NAALADL2: variants seen among roughly 807,000 people sequenced by gnomAD.
NAALADL2 encodes the protein inactive N-acetylated-alpha-linked acidic dipeptidase-like protein 2.
NAALADL2 carries 76 observed loss-of-function variants against 87.2 expected under a neutral mutation model. That is an observed-to-expected ratio of 0.87 (90% CI 0.72 to 1.05). The LOEUF is 1.05. Ranked by LOEUF, NAALADL2 falls within the 50% of genes least tolerant of loss-of-function variation. The pLI is 0.00. For synonymous variants in NAALADL2, 354 were observed against 331.0 expected (o/e 1.07, Z -0.75); for missense variants, 1,089 against 945.8 (o/e 1.15, Z -1.99).
intron 1 of NAALADL2, among the ~76,000 whole-genome samples, chr3:174,547,502 T>G (rs149401883): frequency 2.0e-5 from 3 of 152,210 alleles, no homozygotes; most frequent in Middle Eastern, 6.8e-3. Context: ...ATGATTACTC[T>G]CTCATTTCAA....
intron 5 of NAALADL2, among the ~76,000 whole-genome samples, chr3:175,348,605 G>A (rs1411684594): frequency 6.6e-6 from 1 of 152,096 alleles, no homozygotes; most frequent in East Asian, 1.9e-4. Flanking sequence ...ACACTCCGTG[G>A]TGTTCCTTGA....
intron 3 of NAALADL2, among the ~76,000 whole-genome samples, chr3:175,244,505 C>T (rs558592514): frequency 9.9e-5 from 15 of 152,042 alleles, no homozygotes; most frequent in Admixed American, 7.2e-4. Flanking sequence ...TTGAGCTGTA[C>T]GTTAGCTCAG....
chr3:175,539,507 T>G lies in NAALADL2; in HGVS notation c.1654-36534T>G, dbSNP rs955485994. 2.0e-5 allele frequency among the ~76,000 whole-genome samples: 3 copies of G among 152,154 alleles called. No homozygotes were observed. In the East Asian group the frequency reaches 5.8e-4, roughly 29 times the overall value. ...TGATTTTTTATTTTATTTTAAATTT[T>G]TTTTTAGGTTCAGAGGTACAGGTGC... On this transcript the variant is annotated intron_variant, in intron 9 of 13. Coordinates refer to ENST00000454872, the MANE Select transcript of NAALADL2 (RefSeq NM_207015.3).
Position 174,595,018 on chromosome 3 carries a change from C to G in NAALADL2, c.-115+44381C>G, listed in dbSNP as rs117395217. Among the ~76,000 whole-genome samples, 103 of 152,212 alleles carry G rather than the reference C, an allele frequency of 6.8e-4. 1 individual carries two copies. In the East Asian group the frequency reaches 0.017, roughly 25 times the overall value. On this transcript the variant is annotated intron_variant, in intron 2 of 3. Coordinates refer to the NAALADL2 transcript ENST00000434257. Reference sequence around the variant, plus strand: ...TTACTTGATCATGTCTTAGTACTTTCTAGATGTATGCTGGTAATATTTAAC... The same window carrying G: ...TTACTTGATCATGTCTTAGTACTTTGTAGATGTATGCTGGTAATATTTAAC...
At position 175,484,990 on chromosome 3, in the gene NAALADL2, G is replaced by A. The variant is rs138093676; in HGVS notation, c.1653+13232G>A. ...GGGCTTTCCCAACTGTATTGGTTAA[G>A]AATGGGTAACAGTAAGAATGCAGGG... On this transcript the variant is annotated intron_variant, in intron 9 of 13. Transcript: ENST00000454872. Among the ~76,000 whole-genome samples, 121 of 152,242 alleles carry A rather than the reference G, an allele frequency of 7.9e-4. 1 individual carries two copies. In the East Asian group the frequency reaches 0.021, roughly 26 times the overall value.
chr3:174,857,726 C>T (rs1253964679), upstream of NAALADL2, among the ~76,000 whole-genome samples: 1 of 152,052 alleles, frequency 6.6e-6, no homozygotes, highest in Non-Finnish European at 1.5e-5. Context: ...TTATTCTATT[C>T]TGGAGCAAAC....
rs143088034 is a variant in NAALADL2, at chr3:174,674,319, G to A, written c.-114-63322G>A. On this transcript the variant is annotated intron_variant, in intron 2 of 3. Transcript: ENST00000434257. The stretch of plus-strand genomic sequence containing the variant: ...TCCAGACCCCACCTCCAATACTGTA[G>A]ATTACACTTCAACTTGAGATTTAGT... 2.6e-5 allele frequency among the ~76,000 whole-genome samples: 4 copies of A among 152,066 alleles called. No individual in the cohort carries two copies. The East Asian group carries it at 5.8e-4, about 22-fold the overall frequency.
chr3:174,522,366 T>G (rs578129878), intron 1 of NAALADL2, among the ~76,000 whole-genome samples: 2 of 152,156 alleles, frequency 1.3e-5, no homozygotes, highest in South Asian at 4.2e-4. Context: ...GAGACTAGTG[T>G]CCTATAAAAG....
At chr3:175,369,355 A>C (rs1385954252) in intron 5 of NAALADL2, among the ~76,000 whole-genome samples, 1 of 151,948 alleles carries the variant, frequency 6.6e-6, no homozygotes, top group African/African-American at 2.4e-5. Flanking sequence ...GTACATATAC[A>C]TGTTACATTT....
At chr3:174,721,667 A>G (rs887334208) in intron 2 of NAALADL2, among the ~76,000 whole-genome samples, 1 of 152,228 alleles carries the variant, frequency 6.6e-6, no homozygotes, top group Admixed American at 6.5e-5. Context: ...TGTGTCTACC[A>G]GAGTTCCATG....
At position 175,798,382 on chromosome 3, in the gene NAALADL2, A is replaced by G. The variant is rs546892686; in HGVS notation, c.2190-4623A>G. 1.9e-4 allele frequency among the ~76,000 whole-genome samples: 29 copies of G among 152,124 alleles called. No individual in the cohort carries two copies. The East Asian group carries it at 5.2e-3, about 27-fold the overall frequency. On this transcript the variant is annotated intron_variant, in intron 13 of 13. Coordinates refer to ENST00000454872, the MANE Select transcript of NAALADL2 (RefSeq NM_207015.3). ...TTAGCTTTATGCTGATTTGTATCCA[A>G]TTTGAGTAGAAATGGGTATGAGTGT...
intron 1 of NAALADL2, among the ~76,000 whole-genome samples, chr3:174,892,608 A>G (rs1429056166): frequency 6.6e-6 from 1 of 152,140 alleles, no homozygotes; most frequent in Non-Finnish European, 1.5e-5. Context: ...AAACTTAGAG[A>G]AAAATATCAA....
chr3:175,148,233 CTGCT>C (rs1009645123), intron 2 of NAALADL2, among the ~76,000 whole-genome samples: 34 of 151,512 alleles, frequency 2.2e-4, no homozygotes, highest in African/African-American at 7.5e-4. Flanking sequence ...TTTTTGTTGT[CTGCT>C]TGTATGTCTT....
chr3:174,757,548 G>A (rs1712279149), intron 3 of NAALADL2, among the ~76,000 whole-genome samples: 1 of 151,886 alleles, frequency 6.6e-6, no homozygotes. Flanking sequence ...CTGGAGTGCA[G>A]TGGCATGATC....
intron 10 of NAALADL2, among the ~76,000 whole-genome samples, chr3:175,580,596 G>GAATGCAA (rs11392006): frequency 1.3e-5 from 2 of 151,990 alleles, no homozygotes; most frequent in Non-Finnish European, 2.9e-5. Context: ...TGCAGTATCT[G>GAATGCAA]ATGAAATCTG....
At chr3:174,506,611 T>C (rs911305064) in intron 1 of NAALADL2, among the ~76,000 whole-genome samples, 2 of 152,220 alleles carry the variant, frequency 1.3e-5, no homozygotes, top group African/African-American at 4.8e-5. Flanking sequence ...TATCTGATTA[T>C]AGAATAAATT....
At chr3:174,926,277 AC>A (rs1191517245) in intron 1 of NAALADL2, among the ~76,000 whole-genome samples, 1 of 152,184 alleles carries the variant, frequency 6.6e-6, no homozygotes, top group African/African-American at 2.4e-5. Flanking sequence ...AAGTTGGAAA[AC>A]ACTGCAGGGT....
At chr3:174,726,036 CT>C (rs1732152298) in intron 2 of NAALADL2, among the ~76,000 whole-genome samples, 1 of 152,138 alleles carries the variant, frequency 6.6e-6, no homozygotes, top group Non-Finnish European at 1.5e-5. Flanking sequence ...CTTTAATTAA[CT>C]GCAGTCTGGT....
chr3:174,465,793 A>G (rs1157285285), intron 1 of NAALADL2, among the ~76,000 whole-genome samples: 1 of 152,132 alleles, frequency 6.6e-6, no homozygotes, highest in Non-Finnish European at 1.5e-5. Flanking sequence ...CCTCATAACT[A>G]AAGATATACA....
Sources: gnomAD v4.1 joint callset for allele counts (sites outside exome capture counted in the v4.1 genomes callset) on GRCh38, gnomAD v4.1.1 for gene constraint, MANE v1.5 for transcripts, NCBI Gene and HGNC (gene_info 2026-07-23, HGNC 2026-07-21) for gene names.